The following KIRREL1 variants were observed in gnomAD, a reference collection of about 807,000 sequenced individuals.
KIRREL1 encodes the protein kin of IRRE-like protein 1.
Under a neutral mutation model 83.3 loss-of-function variants are expected in KIRREL1, and 25 were observed. The observed-to-expected ratio is 0.30, with a 90% CI of 0.22 to 0.42. KIRREL1 has a LOEUF of 0.42. Ranked by LOEUF, KIRREL1 falls within the 10% of genes least tolerant of loss-of-function variation. The probability of loss-of-function intolerance (pLI) is 1.00; values close to 1 mark genes in which losing one functional copy is unlikely to be tolerated. For synonymous variants in KIRREL1, 388 were observed against 410.4 expected (o/e 0.95, Z 0.66); for missense variants, 812 against 1,032.3 (o/e 0.79, Z 2.92).
chr1:158,010,393 G>GCACACACA (rs1196299743), intron 1 of KIRREL1, among the ~76,000 whole-genome samples: 5 of 12,550 alleles, frequency 4.0e-4, no homozygotes, highest in South Asian at 2.2e-3. Context: ...TCACACACAT[G>GCACACACA]CATACACACA....
intron 1 of KIRREL1, among the ~76,000 whole-genome samples, chr1:158,062,040 G>A (rs1661226484): frequency 6.6e-6 from 1 of 152,148 alleles, no homozygotes; most frequent in Non-Finnish European, 1.5e-5. Context: ...TCATCAGTGT[G>A]CATGCCCTAA....
chr1:158,015,777 A>T (rs1170751789), intron 1 of KIRREL1, among the ~76,000 whole-genome samples: 1 of 152,142 alleles, frequency 6.6e-6, no homozygotes, highest in Non-Finnish European at 1.5e-5. Context: ...GGCACTTAGG[A>T]TCTTATGGCA....
chr1:158,049,695 G>T (rs1660863502), intron 1 of KIRREL1, among the ~76,000 whole-genome samples: 1 of 152,154 alleles, frequency 6.6e-6, no homozygotes, highest in Admixed American at 6.5e-5. Flanking sequence ...CAGTAGTCCA[G>T]GGGAGTGAGG....
chr1:158,020,150 C>G (rs570605173), intron 1 of KIRREL1, among the ~76,000 whole-genome samples: 2 of 152,240 alleles, frequency 1.3e-5, no homozygotes, highest in African/African-American at 4.8e-5. Flanking sequence ...AGTCAGGTCT[C>G]TCTCTTTCTG....
At chr1:157,995,723 G>A (rs1659177586) in intron 1 of KIRREL1, among the ~76,000 whole-genome samples, 2 of 152,172 alleles carry the variant, frequency 1.3e-5, no homozygotes, top group South Asian at 4.1e-4. Context: ...AGGAGCGAGT[G>A]GCTAGGGAAT....
intron 1 of KIRREL1, among the ~76,000 whole-genome samples, chr1:158,002,227 C>A (rs576110674): frequency 6.6e-6 from 1 of 152,160 alleles, no homozygotes; most frequent in Non-Finnish European, 1.5e-5. Context: ...GCAGTAACTG[C>A]GAGGAGAGCT....
chr1:158,068,382 C>T (rs1661412952), intron 1 of KIRREL1, among the ~76,000 whole-genome samples: 1 of 152,180 alleles, frequency 6.6e-6, no homozygotes, highest in Non-Finnish European at 1.5e-5. Context: ...CCTCATCTGT[C>T]AAAGGAGGGG....
Position 158,095,357 on chromosome 1 carries a change from G to A in KIRREL1, c.*237G>A. 1 of 485,074 alleles carries A rather than the reference G, an allele frequency of 2.1e-6. No homozygotes were observed. The highest frequency in any genetic ancestry group is 3.6e-6 in the Non-Finnish European group (1 of 274,532). 30.0% of individuals were successfully genotyped at this position (485,074 alleles called of 1,614,324 possible). A position where few individuals can be genotyped will look rare whatever the true frequency, so the allele number is the denominator to read the frequency against. On this transcript the variant is annotated 3_prime_UTR_variant, in exon 15 of 15. Coordinates refer to ENST00000359209, the MANE Select transcript of KIRREL1 (RefSeq NM_018240.7). ...TTCTTCGGGAGGATGTGTCTCTTCT[G>A]ACCTGCACTCTTGCCTGACCCTAGA...
At position 158,093,732 on chromosome 1, in the gene KIRREL1, A is replaced by T; in HGVS notation, c.1689A>T (p.Thr563=). 1 of 1,614,122 alleles carries T rather than the reference A, an allele frequency of 6.2e-7. No homozygotes were observed. The highest frequency in any genetic ancestry group is 8.5e-7 in the Non-Finnish European group (1 of 1,180,000). The part of the protein sequence containing the change: ...DREDDTASVS[T]ATRVMKAIYS... The stretch of plus-strand genomic sequence containing the variant: ...AGGATGACACCGCCAGCGTCTCCAC[A>T]GCAACCCGGGTCATGAAGGCCATCT... The change falls in exon 13 of 15, where the codon ACA becomes ACT. Residue 563 remains threonine (T), a synonymous_variant. Transcript: ENST00000359209.
intron 5 of KIRREL1, 58 bp downstream of exon 5, chr1:158,086,804 A>T: frequency 6.9e-7 from 1 of 1,451,946 alleles, no homozygotes; most frequent in Non-Finnish European, 9.4e-7. Context: ...GGTGTGTTTG[A>T]GAAGCACACT....
intron 1 of KIRREL1, among the ~76,000 whole-genome samples, chr1:158,005,203 C>T (rs1465316226): frequency 5.3e-5 from 8 of 152,244 alleles, no homozygotes; most frequent in Non-Finnish European, 7.4e-5. Flanking sequence ...AGATCTTCAA[C>T]GTTCTAATGA....
At chr1:158,017,796 G>GA (rs1040752262) in intron 1 of KIRREL1, among the ~76,000 whole-genome samples, 8 of 148,722 alleles carry the variant, frequency 5.4e-5, no homozygotes, top group African/African-American at 1.7e-4. Context: ...TACTTACAAG[G>GA]AAAAAAAAGA....
intron 1 of KIRREL1, among the ~76,000 whole-genome samples, chr1:158,036,139 G>T (rs769331005): frequency 7.9e-5 from 12 of 152,138 alleles, no homozygotes; most frequent in African/African-American, 2.9e-4. Flanking sequence ...GGGACCTTGG[G>T]CCTTGACATT....
chr1:158,056,091 C>T (rs1034069091), intron 1 of KIRREL1, among the ~76,000 whole-genome samples: 1 of 152,232 alleles, frequency 6.6e-6, no homozygotes, highest in African/African-American at 2.4e-5. Context: ...TTCCTCCCTT[C>T]TGCCCTGCCA....
chr1:158,018,254 G>A (rs918647680), intron 1 of KIRREL1, among the ~76,000 whole-genome samples: 1 of 152,216 alleles, frequency 6.6e-6, no homozygotes, highest in Non-Finnish European at 1.5e-5. Flanking sequence ...CCCTAGGCCT[G>A]AAGCCTCAGG....
At chr1:158,036,937 C>T (rs1660490963) in intron 1 of KIRREL1, among the ~76,000 whole-genome samples, 1 of 152,118 alleles carries the variant, frequency 6.6e-6, no homozygotes, top group African/African-American at 2.4e-5. Context: ...GGAGCCTTGG[C>T]GGGCAGGTCT....
intron 1 of KIRREL1, among the ~76,000 whole-genome samples, chr1:158,024,704 T>G (rs2101658722): frequency 6.6e-6 from 1 of 152,300 alleles, no homozygotes; most frequent in Non-Finnish European, 1.5e-5. Context: ...TAACGGTTTA[T>G]AGAGGAGAAC....
intron 1 of KIRREL1, among the ~76,000 whole-genome samples, chr1:158,064,726 C>A (rs1219789439): frequency 6.6e-6 from 1 of 152,022 alleles, no homozygotes; most frequent in African/African-American, 2.4e-5. Context: ...GGGGACACAC[C>A]TGTGTTATGG....
intron 3 of KIRREL1, among the ~76,000 whole-genome samples, chr1:158,078,814 C>G (rs1029676038): frequency 2.0e-5 from 3 of 152,182 alleles, no homozygotes; most frequent in African/African-American, 7.2e-5. Context: ...GGAAGCCCTG[C>G]GCCAGCCAGG....
Sources: gnomAD v4.1 joint callset for allele counts (sites outside exome capture counted in the v4.1 genomes callset) on GRCh38, gnomAD v4.1.1 for gene constraint, MANE v1.5 for transcripts, NCBI Gene and HGNC (gene_info 2026-07-23, HGNC 2026-07-21) for gene names.